Variants in SH3KBP1 observed in about 807,000 individuals in gnomAD.
SH3KBP1 encodes SH3 domain containing kinase binding protein 1.
In SH3KBP1, 8 loss-of-function variants were observed where a neutral mutation model predicts 50.1. The observed-to-expected ratio is 0.16, with a 90% confidence interval of 0.09 to 0.29. SH3KBP1 has a LOEUF of 0.29. Ranked by LOEUF, SH3KBP1 falls within the 10% of genes least tolerant of loss-of-function variation. SH3KBP1 has a pLI of 1.00. For synonymous variants in SH3KBP1, 227 were observed against 218.6 expected (o/e 1.04, Z -0.34); for missense variants, 377 against 535.2 (o/e 0.70, Z 2.92).
chrX:19,801,739 G>A (rs1935309130), intron 2 of SH3KBP1, among the ~76,000 whole-genome samples: 1 of 111,621 alleles, frequency 9.0e-6, no homozygotes, highest in South Asian at 3.7e-4. Flanking sequence ...TACTCATTAG[G>A]TCAATATCAT....
At chrX:19,576,609 T>TA (rs949488319) in intron 12 of SH3KBP1, among the ~76,000 whole-genome samples, 4 of 111,248 alleles carry the variant, frequency 3.6e-5, no homozygotes, top group African/African-American at 9.8e-5. Context: ...ATGGCTAATT[T>TA]AAAAAAAATT....
At chrX:19,721,870 T>C (rs1236165877) in intron 3 of SH3KBP1, among the ~76,000 whole-genome samples, 2 of 110,755 alleles carry the variant, frequency 1.8e-5, no homozygotes, top group Non-Finnish European at 3.8e-5. Flanking sequence ...AGCATGGTGA[T>C]GTGTGCCTGT....
intron 2 of SH3KBP1, among the ~76,000 whole-genome samples, chrX:19,766,783 G>A (rs760173002): frequency 3.6e-5 from 4 of 110,361 alleles, no homozygotes; most frequent in African/African-American, 9.9e-5. Context: ...GAGCCACCAC[G>A]CCTGGTCCGA....
chrX:19,537,466 A>AG (rs1414398828), intron 17 of SH3KBP1, among the ~76,000 whole-genome samples: 2 of 109,907 alleles, frequency 1.8e-5, no homozygotes, highest in East Asian at 5.7e-4. Flanking sequence ...TCAAAAAGAA[A>AG]AAAAAAAAAA....
chrX:19,665,525 G>A (rs1036268889), intron 6 of SH3KBP1, among the ~76,000 whole-genome samples: 22 of 111,824 alleles, frequency 2.0e-4, no homozygotes, highest in Non-Finnish European at 3.8e-4. Context: ...TAGAGAGAGA[G>A]AAAAATATCT....
At chrX:19,687,270 A>C (rs771473667) in intron 5 of SH3KBP1, among the ~76,000 whole-genome samples, 1 of 112,897 alleles carries the variant, frequency 8.9e-6, no homozygotes, top group South Asian at 3.6e-4. Context: ...TCTCTGCAGG[A>C]AGCCATCTTA....
chrX:19,653,014 G>A (rs952693401), intron 6 of SH3KBP1, among the ~76,000 whole-genome samples: 1 of 111,369 alleles, frequency 9.0e-6, no homozygotes, highest in African/African-American at 3.3e-5. Flanking sequence ...TTTGAGACAG[G>A]GTCTTGCTCT....
At chrX:19,804,893 C>CA (rs1250921867) in intron 2 of SH3KBP1, among the ~76,000 whole-genome samples, 1 of 86,887 alleles carries the variant, frequency 1.2e-5, no homozygotes, top group African/African-American at 4.1e-5. Context: ...CCCCCCCCCC[C>CA]CCACCCGCTG....
At chrX:19,668,974 A>ATATATATATATATATATATATT (rs1491195501) in intron 6 of SH3KBP1, among the ~76,000 whole-genome samples, 2 of 63,872 alleles carry the variant, frequency 3.1e-5, no homozygotes, top group Non-Finnish European at 5.9e-5. Context: ...ATATATATAT[A>ATATATATATATATATATATATT]TTTTTTGAGA....
intron 2 of SH3KBP1, chrX:19,799,897 C>T: frequency 1.2e-6 from 1 of 865,881 alleles, no homozygotes; most frequent in East Asian, 3.9e-5. Context: ...TGTCGCAAAT[C>T]AAGTGAAAAG....
At position 19,887,332 on chromosome X, in the gene SH3KBP1, C is replaced by T. The variant is rs2069625287; in HGVS notation, c.-22G>A. On this transcript the variant is annotated 5_prime_UTR_variant, in exon 1 of 18. Coordinates refer to ENST00000397821, the MANE Select transcript of SH3KBP1 (RefSeq NM_031892.3). ...CCATTGGCGTCGAGCCGGGCCGGGCCGCCGAGGCAGCGTGAAAGTTGGCGG... is the reference window on the plus strand; with the variant it reads ...CCATTGGCGTCGAGCCGGGCCGGGCTGCCGAGGCAGCGTGAAAGTTGGCGG... The T allele has an allele frequency of 2.1e-6, 2 of 973,028 alleles. No individual in the cohort carries two copies. Among genetic ancestry groups the T allele is most frequent in the African/African-American group, 2.1e-5 (1 of 48,712 alleles). 80.2% of individuals were successfully genotyped at this position (973,028 alleles called of 1,213,427 possible). A position where few individuals can be genotyped will look rare whatever the true frequency, so the allele number is the denominator to read the frequency against.
At chrX:19,712,539 G>A (rs1299240488) in intron 3 of SH3KBP1, among the ~76,000 whole-genome samples, 1 of 111,198 alleles carries the variant, frequency 9.0e-6, no homozygotes, top group African/African-American at 3.3e-5. Flanking sequence ...GAAATATCCA[G>A]ACAATAGCCA....
At chrX:19,880,914 G>A (rs2069413351) in intron 1 of SH3KBP1, among the ~76,000 whole-genome samples, 1 of 112,037 alleles carries the variant, frequency 8.9e-6, no homozygotes, top group African/African-American at 3.2e-5. Context: ...GCCGGGCAAG[G>A]CAGGGAAATG....
intron 1 of SH3KBP1, among the ~76,000 whole-genome samples, chrX:19,837,925 T>C (rs780635303): frequency 8.9e-6 from 1 of 111,818 alleles, no homozygotes; most frequent in South Asian, 3.7e-4. Flanking sequence ...TAAAATTAAC[T>C]CAAAATAGTT....
At chrX:19,792,253 T>A (rs1296962544) in intron 2 of SH3KBP1, among the ~76,000 whole-genome samples, 1 of 112,046 alleles carries the variant, frequency 8.9e-6, no homozygotes, top group African/African-American at 3.2e-5. Context: ...AAGCTGTTTA[T>A]AACAGCTTTT....
intron 7 of SH3KBP1, among the ~76,000 whole-genome samples, chrX:19,636,223 T>C (rs1264042757): frequency 1.8e-5 from 2 of 110,698 alleles, no homozygotes; most frequent in Non-Finnish European, 3.8e-5. Flanking sequence ...TTTAGAAAGG[T>C]TAAAAATGAC....
chrX:19,549,834 C>T (rs1178350953), intron 14 of SH3KBP1, 140 bp downstream of exon 14: 1 of 452,056 alleles, frequency 2.2e-6, no homozygotes, highest in Non-Finnish European at 3.9e-6. Context: ...TTTTGGTTGG[C>T]AGTGTATCTC....
At chrX:19,861,730 G>T (rs1230754315) in intron 1 of SH3KBP1, among the ~76,000 whole-genome samples, 1 of 111,368 alleles carries the variant, frequency 9.0e-6, no homozygotes, top group Non-Finnish European at 1.9e-5. Flanking sequence ...CTGTGAAGTG[G>T]ATGCCTAATG....
intron 9 of SH3KBP1, among the ~76,000 whole-genome samples, chrX:19,598,229 T>TTTTTTTTA (rs766793545): frequency 1.1e-4 from 11 of 101,906 alleles, no homozygotes; most frequent in African/African-American, 4.1e-4. Flanking sequence ...GCAAGTCTGT[T>TTTTTTTTA]TTTATTTATT....
Sources: gnomAD v4.1 joint callset for allele counts (sites outside exome capture counted in the v4.1 genomes callset) on GRCh38, gnomAD v4.1.1 for gene constraint, MANE v1.5 for transcripts, NCBI Gene and HGNC (gene_info 2026-07-23, HGNC 2026-07-21) for gene names.